Variants in AP4E1 observed in about 807,000 individuals in gnomAD.
AP4E1 encodes the protein adaptor related protein complex 4 subunit epsilon 1.
In AP4E1, 56 loss-of-function variants were observed where a neutral mutation model predicts 128.2. That is an observed-to-expected ratio of 0.44 (90% CI 0.35 to 0.55). The LOEUF (loss-of-function observed/expected upper bound fraction) is 0.55, where lower values mean the gene tolerates loss of function less well. Ranked by LOEUF, AP4E1 falls within the 20% of genes least tolerant of loss-of-function variation. The pLI, the probability that AP4E1 is intolerant of heterozygous loss-of-function variation, is 0.00. For missense variants in AP4E1, 1,324 were observed against 1,307.7 expected (o/e 1.01, Z -0.19); for synonymous variants, 484 against 473.1 (o/e 1.02, Z -0.30).
At position 50,984,154 on chromosome 15, in the gene AP4E1, A is replaced by T; in HGVS notation, c.2090+9A>T. The T allele has an allele frequency of 6.2e-7, 1 of 1,612,598 alleles. No homozygotes were observed. The highest frequency in any genetic ancestry group is 8.5e-7 in the Non-Finnish European group (1 of 1,179,060). On this transcript the variant is annotated intron_variant, in intron 16 of 20. Transcript: ENST00000261842. ...GAGACAGGACTGAAAGAGTAAGTTCATTTCTTATTAAAATTGAGGTTATGG... is the reference window on the plus strand; with the variant it reads ...GAGACAGGACTGAAAGAGTAAGTTCTTTTCTTATTAAAATTGAGGTTATGG...
At chr15:50,958,463 A>G (rs1346402357) in intron 13 of AP4E1, 29 bp from the exon 14 acceptor site, 5 of 1,568,992 alleles carry the variant, frequency 3.2e-6, no homozygotes, top group East Asian at 2.3e-5. Context: ...TGATATTTCT[A>G]TATGAATATC....
intron 16 of AP4E1, among the ~76,000 whole-genome samples, chr15:50,990,476 T>G (rs755810379): frequency 1.3e-5 from 2 of 151,690 alleles, no homozygotes; most frequent in African/African-American, 2.4e-5. Context: ...TCTCCCAGGT[T>G]CTCATGCCTC....
At chr15:50,932,269 G>A (rs578072365) in intron 7 of AP4E1, among the ~76,000 whole-genome samples, 29 of 152,128 alleles carry the variant, frequency 1.9e-4, no homozygotes, top group African/African-American at 6.7e-4. Context: ...GTGAGCCACC[G>A]CCCCGGCCTC....
chr15:50,957,020 TG>T (rs1422992209), intron 13 of AP4E1, among the ~76,000 whole-genome samples: 1 of 152,054 alleles, frequency 6.6e-6, no homozygotes, highest in Non-Finnish European at 1.5e-5. Context: ...CAGCATCTAG[TG>T]GGGAGTACCC....
intron 14 of AP4E1, among the ~76,000 whole-genome samples, chr15:50,962,491 A>T (rs565379024): frequency 6.6e-6 from 1 of 152,104 alleles, no homozygotes; most frequent in Non-Finnish European, 1.5e-5. Context: ...TGCCAAGAAT[A>T]TATATTGGGG....
At chr15:50,997,182 A>T (rs1336423050) in intron 17 of AP4E1, 144 bp from the exon 18 acceptor site, 3 of 691,752 alleles carry the variant, frequency 4.3e-6, no homozygotes, top group South Asian at 6.0e-5. Flanking sequence ...CATGTTATTT[A>T]TCTCTGATTC....
At chr15:50,928,352 A>G (rs2063792356) in intron 5 of AP4E1, among the ~76,000 whole-genome samples, 1 of 152,166 alleles carries the variant, frequency 6.6e-6, no homozygotes, top group African/African-American at 2.4e-5. Flanking sequence ...CAGTGGCACA[A>G]CCTTGGCTCA....
At chr15:50,994,486 C>A (rs531644353) in intron 17 of AP4E1, among the ~76,000 whole-genome samples, 3 of 152,298 alleles carry the variant, frequency 2.0e-5, no homozygotes, top group African/African-American at 7.2e-5. Context: ...TTGTCTCTTT[C>A]TTTTCTAGAC....
At chr15:50,915,376 T>TA in intron 2 of AP4E1, 72 bp from the exon 3 acceptor site, 1 of 1,488,620 alleles carries the variant, frequency 6.7e-7, no homozygotes, top group Non-Finnish European at 9.3e-7. Flanking sequence ...TCCTTTTAAA[T>TA]TATGAGAACA....
intron 17 of AP4E1, 97 bp downstream of exon 17, chr15:50,993,722 A>T (rs2064833853): frequency 6.8e-7 from 1 of 1,469,506 alleles, no homozygotes; most frequent in African/African-American, 1.4e-5. Context: ...CTATATGTAT[A>T]GTGAAAAGTG....
intron 10 of AP4E1, among the ~76,000 whole-genome samples, chr15:50,942,285 T>C (rs1343838492): frequency 6.6e-6 from 1 of 152,188 alleles, no homozygotes; most frequent in Non-Finnish European, 1.5e-5. Flanking sequence ...AGGAATGTCT[T>C]TAAATTATGA....
At chr15:50,948,858 G>A (rs2064104958) in intron 11 of AP4E1, among the ~76,000 whole-genome samples, 1 of 151,870 alleles carries the variant, frequency 6.6e-6, no homozygotes, top group African/African-American at 2.4e-5. Flanking sequence ...TGTAATCCCA[G>A]CTACTAGGGA....
rs760402257 is a variant in AP4E1, at chr15:50,948,006, T to C, written c.1177-14T>C. 124 of 1,564,224 alleles carry C rather than the reference T, an allele frequency of 7.9e-5. 1 individual carries two copies. Among genetic ancestry groups the C allele is most frequent in the Non-Finnish European group, 9.9e-5 (113 of 1,137,802 alleles). On this transcript the variant is annotated splice_polypyrimidine_tract_variant and intron_variant, in intron 10 of 20. Transcript: ENST00000261842. ...GTTTTATAATATTGTTTTTAATTTT[T>C]CTTCTTTAAATAGACTCTGGAACTT...
intron 18 of AP4E1, among the ~76,000 whole-genome samples, chr15:50,998,398 G>GT (rs2064910486): frequency 6.6e-6 from 1 of 152,046 alleles, no homozygotes; most frequent in Non-Finnish European, 1.5e-5. Context: ...TTGGGAGGCT[G>GT]AGGTGGGTGG....
intron 14 of AP4E1, among the ~76,000 whole-genome samples, chr15:50,959,325 C>G (rs1459828490): frequency 6.6e-6 from 1 of 151,936 alleles, no homozygotes; most frequent in African/African-American, 2.4e-5. Flanking sequence ...AGAAAAGTAT[C>G]AAGTCACACA....
chr15:50,945,459 T>C, intron 10 of AP4E1: 2 of 773,960 alleles, frequency 2.6e-6, no homozygotes, highest in Admixed American at 3.4e-5. Flanking sequence ...TACATACTTT[T>C]GATATGTGTG....
chr15:50,913,763 A>C (rs1016505974), intron 2 of AP4E1, among the ~76,000 whole-genome samples: 1 of 152,174 alleles, frequency 6.6e-6, no homozygotes, highest in South Asian at 2.1e-4. Context: ...AGGGACTTCC[A>C]GTATTTTTTG....
intron 6 of AP4E1, 91 bp downstream of exon 6, chr15:50,929,259 C>T (rs2063803622): frequency 1.5e-6 from 2 of 1,355,590 alleles, no homozygotes; most frequent in Admixed American, 3.6e-5. Flanking sequence ...TGGTAAAATG[C>T]TTAGTTAACA....
intron 4 of AP4E1, among the ~76,000 whole-genome samples, chr15:50,924,208 T>G (rs2063741834): frequency 6.6e-6 from 1 of 152,198 alleles, no homozygotes; most frequent in Non-Finnish European, 1.5e-5. Context: ...AATGAAATAC[T>G]ATGTGAAGTA....
Sources: gnomAD v4.1 joint callset for allele counts (sites outside exome capture counted in the v4.1 genomes callset) on GRCh38, gnomAD v4.1.1 for gene constraint, MANE v1.5 for transcripts, NCBI Gene and HGNC (gene_info 2026-07-23, HGNC 2026-07-21) for gene names.